The following TSPAN7 variants were observed in gnomAD, a reference collection of about 807,000 sequenced individuals.
TSPAN7 encodes the protein tetraspanin-7.
In TSPAN7, 1 loss-of-function variant was observed where a neutral mutation model predicts 17.6. The observed-to-expected ratio is 0.06, with a 90% confidence interval of 0.02 to 0.27. The LOEUF (loss-of-function observed/expected upper bound fraction) is 0.27. Ranked by LOEUF, TSPAN7 falls within the 10% of genes least tolerant of loss-of-function variation. TSPAN7 has a pLI of 1.00. For missense variants in TSPAN7, 112 were observed against 201.7 expected (o/e 0.56, Z 2.69); for synonymous variants, 78 against 79.0 (o/e 0.99, Z 0.07).
intron 1 of TSPAN7, among the ~76,000 whole-genome samples, chrX:38,587,216 A>AC (rs1294465840): frequency 3.6e-5 from 4 of 112,099 alleles, no homozygotes; most frequent in Admixed American, 1.9e-4. Context: ...AGACTGAGAA[A>AC]CCCTGTTTTA....
intron 6 of TSPAN7, among the ~76,000 whole-genome samples, chrX:38,684,555 C>A (rs1011627541): frequency 9.0e-6 from 1 of 111,379 alleles, no homozygotes; most frequent in African/African-American, 3.3e-5. Flanking sequence ...AAGACAAGAG[C>A]CATGGGATGT....
chrX:38,652,404 C>T (rs2069680396), intron 1 of TSPAN7, among the ~76,000 whole-genome samples: 1 of 111,756 alleles, frequency 8.9e-6, no homozygotes, highest in Non-Finnish European at 1.9e-5. Flanking sequence ...TATGGGGCTG[C>T]CCAGAAAGCT....
chrX:38,585,460 C>T (rs2069253059), intron 1 of TSPAN7, among the ~76,000 whole-genome samples: 1 of 111,348 alleles, frequency 9.0e-6, no homozygotes, highest in East Asian at 2.8e-4. Context: ...CCCCTAACTT[C>T]TATAAGTTGA....
At chrX:38,618,224 G>A (rs756778238) in intron 1 of TSPAN7, among the ~76,000 whole-genome samples, 8 of 112,080 alleles carry the variant, frequency 7.1e-5, no homozygotes, top group Non-Finnish European at 1.1e-4. Flanking sequence ...ACAATCCATT[G>A]TACATTTACT....
Position 38,687,673 on chromosome X carries a change from A to G in TSPAN7, c.*6A>G. 1 of 1,208,509 alleles carries G rather than the reference A, an allele frequency of 8.3e-7. No homozygotes were observed. The highest frequency in any genetic ancestry group is 1.8e-5 in the South Asian group (1 of 56,277). ...ATCAGTATGAGATGGTGTAAGGAGA[A>G]GGTAGGTGACAGTGGGGAGTGTTTA... On this transcript the variant is annotated splice_region_variant and 3_prime_UTR_variant, in exon 7 of 8. Coordinates refer to ENST00000378482, the MANE Select transcript of TSPAN7 (RefSeq NM_004615.4).
intron 1 of TSPAN7, 82 bp from the exon 2 acceptor site, chrX:38,666,039 G>A (rs937545506): frequency 5.1e-6 from 5 of 983,927 alleles, no homozygotes; most frequent in Middle Eastern, 3.2e-4. Context: ...GGAAACTTGA[G>A]TCTTCAAATT....
intron 5 of TSPAN7, among the ~76,000 whole-genome samples, chrX:38,677,143 G>A (rs1356725973): frequency 2.7e-5 from 3 of 111,869 alleles, no homozygotes; most frequent in African/African-American, 9.8e-5. Flanking sequence ...ACAGGGTCTA[G>A]TGTCAGGCTC....
chrX:38,641,761 G>A (rs781057613), intron 1 of TSPAN7, among the ~76,000 whole-genome samples: 3 of 111,489 alleles, frequency 2.7e-5, no homozygotes, highest in Non-Finnish European at 3.8e-5. Context: ...GTTGAGGCTC[G>A]GAGGTCTTAG....
chrX:38,674,819 A>C (rs1307392706), intron 4 of TSPAN7, among the ~76,000 whole-genome samples: 1 of 111,049 alleles, frequency 9.0e-6, no homozygotes, highest in African/African-American at 3.3e-5. Context: ...TGGGGGAAAT[A>C]GAAGAGAGAT....
chrX:38,597,989 C>A (rs1250477969), intron 1 of TSPAN7, among the ~76,000 whole-genome samples: 2 of 111,643 alleles, frequency 1.8e-5, no homozygotes, highest in Admixed American at 9.5e-5. Flanking sequence ...TTCTTTTAGG[C>A]ATGGCACTTG....
intron 1 of TSPAN7, among the ~76,000 whole-genome samples, chrX:38,597,752 T>G (rs763277196): frequency 3.6e-5 from 4 of 111,626 alleles, no homozygotes; most frequent in Non-Finnish European, 7.6e-5. Flanking sequence ...GAACTATATG[T>G]TTAAAACACA....
At chrX:38,665,364 G>T (rs1328681682) in intron 1 of TSPAN7, among the ~76,000 whole-genome samples, 1 of 111,662 alleles carries the variant, frequency 9.0e-6, no homozygotes, top group Non-Finnish European at 1.9e-5. Context: ...AGTGGCTTTA[G>T]CAGCTAAAGC....
At position 38,561,619 on chromosome X, in the gene TSPAN7, G is replaced by T; in HGVS notation, c.73G>T (p.Val25Phe). ...LKTLLIIYSF[V>F]FWITGVILLA... ...AACCCTCCTCATCATCTACTCCTTC[G>T]TCTTCTGGGTAAGTGCCCACGCCGG... The change falls in exon 1 of 8, where the codon GTC becomes TTC. Residue 25 changes from valine to phenylalanine, a missense_variant. Physicochemically the swap from Val to Phe is conservative, Grantham distance 50. Coordinates refer to ENST00000378482, the MANE Select transcript of TSPAN7 (RefSeq NM_004615.4). 8.3e-7 allele frequency: 1 copy of T among 1,204,954 alleles called. No homozygotes were observed. The highest frequency in any genetic ancestry group is 1.8e-5 in the South Asian group (1 of 56,766).
chrX:38,603,759 G>T (rs1298838963), intron 1 of TSPAN7, among the ~76,000 whole-genome samples: 1 of 110,165 alleles, frequency 9.1e-6, no homozygotes, highest in African/African-American at 3.3e-5. Context: ...CAACAGTTAA[G>T]GTATGTAGGG....
chrX:38,663,063 G>A (rs1266656318), intron 1 of TSPAN7, among the ~76,000 whole-genome samples: 3 of 110,139 alleles, frequency 2.7e-5, no homozygotes, highest in African/African-American at 6.6e-5. Flanking sequence ...AAAGAAACAC[G>A]TTTATAGCAG....
chrX:38,574,311 G>A (rs1013052511), intron 1 of TSPAN7, among the ~76,000 whole-genome samples: 2 of 112,199 alleles, frequency 1.8e-5, no homozygotes, highest in African/African-American at 6.5e-5. Context: ...TTTTACAGAT[G>A]TAGTTGTTGT....
At chrX:38,575,546 C>T (rs981489281) in intron 1 of TSPAN7, among the ~76,000 whole-genome samples, 6 of 111,395 alleles carry the variant, frequency 5.4e-5, no homozygotes, top group Admixed American at 2.9e-4. Context: ...CCTGATACTA[C>T]GGGATATCTA....
At chrX:38,650,735 C>T (rs1185636735) in intron 1 of TSPAN7, among the ~76,000 whole-genome samples, 1 of 111,933 alleles carries the variant, frequency 8.9e-6, no homozygotes, top group Non-Finnish European at 1.9e-5. Flanking sequence ...TATCACTGGT[C>T]TTTGAGTTGA....
chrX:38,573,135 A>G (rs1199744016), intron 1 of TSPAN7, among the ~76,000 whole-genome samples: 1 of 111,691 alleles, frequency 9.0e-6, no homozygotes, highest in Non-Finnish European at 1.9e-5. Context: ...TTAGGGTGTA[A>G]AGTGTTTCTT....
Sources: allele counts gnomAD v4.1 joint callset (sites outside exome capture counted in the v4.1 genomes callset), GRCh38; gene constraint gnomAD v4.1.1; transcripts MANE v1.5; gene names NCBI Gene and HGNC (gene_info 2026-07-23, HGNC 2026-07-21).